The following MTREX variants were observed in gnomAD, a reference collection of about 807,000 sequenced individuals.
MTREX encodes the protein exosome RNA helicase MTR4.
In MTREX, 76 loss-of-function variants were observed where a neutral mutation model predicts 135.4. The observed-to-expected ratio is 0.56, with a 90% CI of 0.47 to 0.68. MTREX has a LOEUF of 0.68. Ranked by LOEUF, MTREX falls within the 30% of genes least tolerant of loss-of-function variation. MTREX has a pLI of 0.00. For missense variants in MTREX, 920 were observed against 1,262.1 expected, an observed-to-expected ratio of 0.73 and a Z score of 4.11; for synonymous variants, 404 against 401.6, an observed-to-expected ratio of 1.01 and a Z score of -0.07.
At chr5:55,420,776 GATA>G (rs1032434810) in intron 25 of MTREX, among the ~76,000 whole-genome samples, 3 of 152,080 alleles carry the variant, frequency 2.0e-5, no homozygotes, top group South Asian at 2.1e-4. Context: ...TCTAAAATTA[GATA>G]ATGATGATGG....
At chr5:55,382,550 T>C (rs138897910) in intron 18 of MTREX, among the ~76,000 whole-genome samples, 340 of 152,298 alleles carry the variant, frequency 2.2e-3, no homozygotes, top group African/African-American at 7.5e-3. Context: ...CAATACATTA[T>C]TATGATTAAT....
At chr5:55,354,271 G>A (rs549754438) in intron 14 of MTREX, among the ~76,000 whole-genome samples, 9 of 152,166 alleles carry the variant, frequency 5.9e-5, no homozygotes, top group Non-Finnish European at 1.0e-4. Context: ...GAAGTCATTT[G>A]GGGGTCAGGG....
intron 1 of MTREX, among the ~76,000 whole-genome samples, chr5:55,317,053 C>A (rs957422201): frequency 1.3e-5 from 2 of 151,950 alleles, no homozygotes; most frequent in Admixed American, 6.6e-5. Context: ...CCCTCCCACA[C>A]ACACACACCC....
intron 4 of MTREX, 43 bp from the exon 5 acceptor site, chr5:55,328,653 TACA>T: frequency 1.5e-6 from 2 of 1,303,686 alleles, no homozygotes; most frequent in Non-Finnish European, 2.2e-6. Flanking sequence ...TATGCTCTGA[TACA>T]ACTAGATGTT....
intron 15 of MTREX, 48 bp downstream of exon 15, chr5:55,358,746 A>G (rs1229574567): frequency 1.3e-6 from 2 of 1,485,624 alleles, no homozygotes; most frequent in Non-Finnish European, 1.8e-6. Context: ...CCAGAAATAT[A>G]CTTCAGGAGC....
intron 5 of MTREX, among the ~76,000 whole-genome samples, chr5:55,339,549 A>G (rs767628378): frequency 1.3e-5 from 2 of 152,214 alleles, no homozygotes; most frequent in African/African-American, 2.4e-5. Context: ...ACCTACCATA[A>G]TTTTCAGAGG....
chr5:55,321,641 C>T (rs1363286296), intron 1 of MTREX, among the ~76,000 whole-genome samples: 3 of 129,650 alleles, frequency 2.3e-5, no homozygotes, highest in African/African-American at 8.8e-5. Flanking sequence ...GACAGTCTTG[C>T]TTTGTCTCCT....
At chr5:55,408,066 T>C (rs1014946468) in intron 22 of MTREX, among the ~76,000 whole-genome samples, 6 of 152,148 alleles carry the variant, frequency 3.9e-5, no homozygotes, top group African/African-American at 1.4e-4. Context: ...ACCCAGCCCC[T>C]TTGTGCCATT....
rs536598036 is a variant in MTREX, at chr5:55,371,807, G to A, written c.1810+4932G>A. Among the ~76,000 whole-genome samples the A allele has an allele frequency of 4.0e-3, 609 of 151,984 alleles. 4 individuals are homozygous for A. The highest frequency in any genetic ancestry group is 0.014 in the African/African-American group (581 of 41,482). ...CTGATTTTTGTTTGTTTAATATGGAGAAAAAAGACTGTACCTAAAGTTAAT... is the reference window on the plus strand; with the variant it reads ...CTGATTTTTGTTTGTTTAATATGGAAAAAAAAGACTGTACCTAAAGTTAAT... On this transcript the variant is annotated intron_variant, in intron 16 of 26. Coordinates refer to ENST00000230640, the MANE Select transcript of MTREX (RefSeq NM_015360.5).
At chr5:55,330,942 CT>C (rs919014552) in intron 5 of MTREX, among the ~76,000 whole-genome samples, 32 of 150,524 alleles carry the variant, frequency 2.1e-4, no homozygotes, top group Middle Eastern at 3.5e-3. Flanking sequence ...GGTTTATTCA[CT>C]TTTTTTTTAT....
At chr5:55,375,851 GTTC>G (rs1750291347) in intron 16 of MTREX, among the ~76,000 whole-genome samples, 1 of 152,146 alleles carries the variant, frequency 6.6e-6, no homozygotes, top group Admixed American at 6.5e-5. Flanking sequence ...CACAATCTAC[GTTC>G]TTCTGCCACA....
At chr5:55,311,176 C>G (rs1235703148) in intron 1 of MTREX, among the ~76,000 whole-genome samples, 1 of 152,080 alleles carries the variant, frequency 6.6e-6, no homozygotes, top group African/African-American at 2.4e-5. Flanking sequence ...CATAACTCAG[C>G]TTCACCAATA....
chr5:55,423,791 T>G (rs1751096584), intron 26 of MTREX: 1 of 152,332 alleles, frequency 6.6e-6, no homozygotes, highest in East Asian at 1.9e-4. Context: ...GAAAAAGGAC[T>G]AAGTTAATCA....
At chr5:55,315,976 T>TA (rs975651579) in intron 1 of MTREX, among the ~76,000 whole-genome samples, 4 of 150,050 alleles carry the variant, frequency 2.7e-5, no homozygotes, top group African/African-American at 9.8e-5. Flanking sequence ...TCCACAGAAA[T>TA]AAAAACAACC....
chr5:55,410,802 G>A (rs1252593688), intron 23 of MTREX, among the ~76,000 whole-genome samples, 173 bp downstream of exon 23: 6 of 152,070 alleles, frequency 3.9e-5, no homozygotes, highest in Non-Finnish European at 7.4e-5. Context: ...GATTAAATAC[G>A]TATTATTAGA....
chr5:55,391,467 C>T (rs542197944), intron 19 of MTREX, among the ~76,000 whole-genome samples: 9 of 152,078 alleles, frequency 5.9e-5, no homozygotes, highest in Admixed American at 1.3e-4. Flanking sequence ...ATCTCTTTGT[C>T]TAAAAAAACA....
chr5:55,325,210 A>T (rs557092918), intron 3 of MTREX, among the ~76,000 whole-genome samples: 48 of 152,190 alleles, frequency 3.2e-4, no homozygotes, highest in Admixed American at 2.7e-3. Context: ...AAGACTTTCA[A>T]TGTAGGTTTA....
chr5:55,348,014 C>T (rs1749766966), intron 11 of MTREX, among the ~76,000 whole-genome samples: 1 of 152,162 alleles, frequency 6.6e-6, no homozygotes, highest in Non-Finnish European at 1.5e-5. Context: ...CTACTGGGTC[C>T]CTCCCACAAC....
rs375852067 is a variant in MTREX, at chr5:55,400,280, T to C, written c.2340T>C (p.Ile780=). ...FPDGIPLLDP[I]DDMGIQDQGL... is the part of the protein sequence containing the mutation. The stretch of plus-strand genomic sequence containing the variant: ...ACGGCATCCCCTTATTAGACCCTAT[T>C]GATGATATGGGCATTCAAGATCAAG... The change falls in exon 21 of 27, where the codon ATT becomes ATC. Residue 780 remains isoleucine, a synonymous_variant. Coordinates refer to ENST00000230640, the MANE Select transcript of MTREX (RefSeq NM_015360.5). 1.9e-6 allele frequency: 3 copies of C among 1,612,016 alleles called. No homozygotes were observed. Among genetic ancestry groups the C allele is most frequent in the East Asian group, 2.2e-5 (1 of 44,822 alleles).
Sources: allele counts gnomAD v4.1 joint callset (sites outside exome capture counted in the v4.1 genomes callset), GRCh38; gene constraint gnomAD v4.1.1; transcripts MANE v1.5; gene names NCBI Gene and HGNC (gene_info 2026-07-23, HGNC 2026-07-21).